The following GRIK2 variants were observed in gnomAD, a reference collection of about 807,000 sequenced individuals.
GRIK2 encodes the protein glutamate ionotropic receptor kainate type subunit 2.
A neutral mutation model predicts 100.3 loss-of-function variants in GRIK2; 32 were observed. The ratio of observed to expected loss-of-function variants is 0.32; its 90% CI spans 0.24 to 0.43. The LOEUF (loss-of-function observed/expected upper bound fraction) is 0.43, where lower values mean the gene tolerates loss of function less well. GRIK2 is among the 20% of genes least tolerant of loss of function. The pLI is 1.00. For synonymous variants in GRIK2, 417 were observed against 389.4 expected (o/e 1.07, Z -0.83); for missense variants, 843 against 1,114.9 (o/e 0.76, Z 3.47).
At chr6:101,753,672 GA>G (rs201664161) in intron 7 of GRIK2, among the ~76,000 whole-genome samples, 32 of 151,170 alleles carry the variant, frequency 2.1e-4, no homozygotes, top group African/African-American at 7.8e-4. Flanking sequence ...GACAAAAAAA[GA>G]AAAAAAAGGA....
intron 12 of GRIK2, among the ~76,000 whole-genome samples, chr6:101,909,719 T>C (rs1156859070): frequency 7.0e-6 from 1 of 143,542 alleles, no homozygotes; most frequent in Non-Finnish European, 1.5e-5. Context: ...TGTGTAAGTG[T>C]GTTTCTGTAT....
chr6:101,991,389 A>T (rs1360547542), intron 14 of GRIK2, among the ~76,000 whole-genome samples: 3 of 79,786 alleles, frequency 3.8e-5, no homozygotes, highest in Non-Finnish European at 7.0e-5. Flanking sequence ...CTTATTTGCT[A>T]TGTTTTTTTT....
Position 101,871,017 on chromosome 6 carries a change from C to T in GRIK2, c.1524+11524C>T, listed in dbSNP as rs573592494. ...TCAGAATTTTTACCAATTATATTGG[C>T]GTACTTCAAATGAGATTTGATTACC... On this transcript the variant is annotated intron_variant, in intron 11 of 16. Coordinates refer to ENST00000369134, the MANE Select transcript of GRIK2 (RefSeq NM_021956.5). Among the ~76,000 whole-genome samples, 27 of 151,860 alleles carry T rather than the reference C, an allele frequency of 1.8e-4. No homozygotes were observed. The South Asian group carries it at 4.1e-3, about 23-fold the overall frequency.
Position 102,019,262 on chromosome 6 carries a change from T to A in GRIK2, c.2086-16079T>A, listed in dbSNP as rs1769298587. Among the ~76,000 whole-genome samples the A allele has an allele frequency of 2.6e-5, 4 of 152,044 alleles. No individual in the cohort carries two copies. The East Asian group carries it at 7.7e-4, about 29-fold the overall frequency. On this transcript the variant is annotated intron_variant, in intron 14 of 16. Transcript: ENST00000369134. ...ATGGTATCTTTTAGATGGATGGTGT[T>A]ACAGGAAAATCCTCATAGCAAAGGC...
intron 3 of GRIK2, 90 bp from the exon 4 acceptor site, chr6:101,626,290 A>T: frequency 1.8e-6 from 2 of 1,138,810 alleles, no homozygotes; most frequent in Non-Finnish European, 2.5e-6. Flanking sequence ...CTTGAGAATG[A>T]TACCTTTGGG....
In GRIK2 at chr6:101,664,760, G is replaced by T. The variant is rs1029489465; in HGVS notation, c.542-11863G>T. Reference sequence around the variant, plus strand: ...CTGGGCCATTTCTAAAGAGAAAGAGGTTTAATGGACTCACAGATGACTGGG... The same window carrying T: ...CTGGGCCATTTCTAAAGAGAAAGAGTTTTAATGGACTCACAGATGACTGGG... On this transcript the variant is annotated intron_variant, in intron 4 of 16. Transcript: ENST00000369134. 7.2e-5 allele frequency among the ~76,000 whole-genome samples: 11 copies of T among 152,276 alleles called. No individual in the cohort carries two copies. In the East Asian group the frequency reaches 1.9e-3, roughly 27 times the overall value.
At chr6:101,740,923 C>A (rs931575221) in intron 7 of GRIK2, among the ~76,000 whole-genome samples, 2 of 152,220 alleles carry the variant, frequency 1.3e-5, no homozygotes, top group African/African-American at 4.8e-5. Context: ...CTAGATCCCA[C>A]TCCAACATTA....
At chr6:101,824,394 T>C (rs1782178447) in intron 10 of GRIK2, among the ~76,000 whole-genome samples, 1 of 152,202 alleles carries the variant, frequency 6.6e-6, no homozygotes, top group Admixed American at 6.5e-5. Context: ...TGTTTGGTTT[T>C]CTATTCCTGA....
At chr6:101,438,506 G>A (rs1013686627) in intron 2 of GRIK2, among the ~76,000 whole-genome samples, 1 of 151,976 alleles carries the variant, frequency 6.6e-6, no homozygotes, top group Non-Finnish European at 1.5e-5. Flanking sequence ...TGTGGAACTC[G>A]TAAATGGAAT....
intron 14 of GRIK2, among the ~76,000 whole-genome samples, chr6:101,964,443 C>G (rs1792528951): frequency 6.6e-6 from 1 of 152,086 alleles, no homozygotes; most frequent in Non-Finnish European, 1.5e-5. Flanking sequence ...TGTTAGCAAC[C>G]CTGTCCTATT....
intron 5 of GRIK2, among the ~76,000 whole-genome samples, chr6:101,677,901 T>C (rs986824018): frequency 6.6e-6 from 1 of 152,160 alleles, no homozygotes; most frequent in African/African-American, 2.4e-5. Flanking sequence ...CAGTAAAATA[T>C]TTACTTTGAT....
intron 2 of GRIK2, among the ~76,000 whole-genome samples, chr6:101,413,740 A>G (rs1249619289): frequency 6.6e-6 from 1 of 152,160 alleles, no homozygotes; most frequent in Non-Finnish European, 1.5e-5. Flanking sequence ...GAAATCCACA[A>G]TTAATGTAAT....
intron 14 of GRIK2, among the ~76,000 whole-genome samples, chr6:101,933,289 C>CAGT (rs1328446841): frequency 6.6e-6 from 1 of 151,836 alleles, no homozygotes; most frequent in African/African-American, 2.4e-5. Flanking sequence ...GCAAAGTGGT[C>CAGT]AGTACTTTTA....
intron 7 of GRIK2, among the ~76,000 whole-genome samples, chr6:101,742,285 A>C (rs1236558858): frequency 6.6e-6 from 1 of 152,134 alleles, no homozygotes; most frequent in Admixed American, 6.6e-5. Flanking sequence ...CCAGGTGAGG[A>C]GGTGAGAGGA....
At chr6:101,593,961 G>GA (rs1428723513) in intron 2 of GRIK2, among the ~76,000 whole-genome samples, 2 of 151,668 alleles carry the variant, frequency 1.3e-5, no homozygotes, top group Non-Finnish European at 2.9e-5. Flanking sequence ...TACATCACAT[G>GA]AAAAAATCTT....
rs906511587 is a variant in GRIK2 at position 101,922,076 on chromosome 6, T to TTTCC, written c.1749-2464_1749-2461dup. Among the ~76,000 whole-genome samples, 794 of 110,250 alleles carry TTTCC rather than the reference T, an allele frequency of 7.2e-3. 22 individuals are homozygous for TTTCC. Among genetic ancestry groups the TTTCC allele is most frequent in the Non-Finnish European group, 1.0e-2 (500 of 50,122 alleles). The allele number at this position is 110,250 out of a possible 152,430, so 72.3% of individuals were successfully genotyped here. Reference sequence around the variant, plus strand: ...GATTCTTCCTTCCTACCTTTCTCCATTTCCTTCCTTCCTTCCTTCCTTCCT... The same window carrying TTTCC: ...GATTCTTCCTTCCTACCTTTCTCCATTTCCTTCCTTCCTTCCTTCCTTCCTTCCT... On this transcript the variant is annotated intron_variant, in intron 12 of 16. Coordinates refer to ENST00000369134, the MANE Select transcript of GRIK2 (RefSeq NM_021956.5).
chr6:101,855,580 C>T (rs145020517), intron 10 of GRIK2, among the ~76,000 whole-genome samples: 2 of 152,108 alleles, frequency 1.3e-5, no homozygotes, highest in African/African-American at 4.8e-5. Context: ...AGAGCCAAGA[C>T]GTGGAGTTAG....
chr6:101,497,043 C>CA (rs1358449231), intron 2 of GRIK2, among the ~76,000 whole-genome samples: 3 of 152,184 alleles, frequency 2.0e-5, no homozygotes, highest in African/African-American at 7.2e-5. Flanking sequence ...TCTGCTCACT[C>CA]ACTCTGCTCC....
chr6:101,494,776 C>CA (rs1773337176), intron 2 of GRIK2, among the ~76,000 whole-genome samples: 1 of 150,572 alleles, frequency 6.6e-6, no homozygotes, highest in Non-Finnish European at 1.5e-5. Context: ...ACTAAAAATA[C>CA]AAAAAAATTA....
Sources: allele counts gnomAD v4.1 joint callset (sites outside exome capture counted in the v4.1 genomes callset), GRCh38; gene constraint gnomAD v4.1.1; transcripts MANE v1.5; gene names NCBI Gene and HGNC (gene_info 2026-07-23, HGNC 2026-07-21).